Variants in NBEAL1 observed in about 807,000 individuals in gnomAD.
NBEAL1 encodes neurobeachin-like protein 1.
Under a neutral mutation model 351.3 loss-of-function variants are expected in NBEAL1, and 273 were observed. That is an observed-to-expected ratio of 0.78 (90% CI 0.70 to 0.86). The LOEUF (loss-of-function observed/expected upper bound fraction) is 0.86. Ranked by LOEUF, NBEAL1 falls within the 40% of genes least tolerant of loss-of-function variation. The pLI is 0.00. For synonymous variants in NBEAL1, 1,050 were observed against 1,086.4 expected (o/e 0.97, Z 0.66); for missense variants, 2,961 against 3,201.3 (o/e 0.92, Z 1.81).
intron 18 of NBEAL1, among the ~76,000 whole-genome samples, chr2:203,119,444 T>TTTTTTTA (rs2062779286): frequency 7.0e-6 from 1 of 142,814 alleles, no homozygotes; most frequent in Non-Finnish European, 1.5e-5. Flanking sequence ...TTTTTTTTTT[T>TTTTTTTA]GAGACGGAGT....
chr2:203,016,409 G>GA lies in NBEAL1; in HGVS notation c.27dup (p.Leu10ThrfsTer24). 6.7e-7 allele frequency: 1 copy of GA among 1,496,532 alleles called. No individual in the cohort carries two copies. The highest frequency in any genetic ancestry group is 9.0e-7 in the Non-Finnish European group (1 of 1,108,704). The allele number at this position is 1,496,532 out of a possible 1,614,324, so 92.7% of individuals were successfully genotyped here. On this transcript the variant is annotated frameshift_variant, in exon 2 of 56. Transcript: ENST00000683969. LOFTEE classifies it high-confidence loss of function. ...AATGGCATCCAGAGAGAGGCTCTTT[G>GA]AACTTTGGATGCTTTATTGTACAAA... is the stretch of plus-strand genomic sequence containing the variant.
intron 35 of NBEAL1, among the ~76,000 whole-genome samples, chr2:203,156,518 T>A (rs1052414584): frequency 2.6e-5 from 4 of 152,266 alleles, no homozygotes; most frequent in African/African-American, 9.6e-5. Context: ...CATTGTCATG[T>A]ACTTCGTTAA....
chr2:203,025,435 A>G (rs2060841720), intron 2 of NBEAL1, among the ~76,000 whole-genome samples: 1 of 152,206 alleles, frequency 6.6e-6, no homozygotes, highest in South Asian at 2.1e-4. Flanking sequence ...AACAATTATT[A>G]TATCTGAAAT....
intron 41 of NBEAL1, among the ~76,000 whole-genome samples, chr2:203,174,858 CAAAT>C (rs34190645): frequency 0.48 from 68,630 of 143,064 alleles, 17,273 homozygotes; most frequent in Middle Eastern, 0.62. Context: ...GACTCTGTCT[CAAAT>C]AAATAAATAA....
chr2:203,175,084 A>T, intron 41 of NBEAL1, 63 bp from the exon 42 acceptor site: 1 of 1,348,800 alleles, frequency 7.4e-7, no homozygotes, highest in South Asian at 1.3e-5. Flanking sequence ...TAAAATACAA[A>T]CTTATGCCCC....
chr2:203,122,188 C>T (rs2106273247), intron 18 of NBEAL1, 66 bp from the exon 19 acceptor site: 2 of 864,564 alleles, frequency 2.3e-6, no homozygotes, highest in Non-Finnish European at 3.6e-6. Context: ...GTGAAATGTT[C>T]TATATGTGGT....
intron 37 of NBEAL1, among the ~76,000 whole-genome samples, chr2:203,166,568 T>C (rs1310294377): frequency 1.3e-5 from 2 of 152,122 alleles, no homozygotes; most frequent in Admixed American, 1.3e-4. Flanking sequence ...TTTTTTGAGA[T>C]GGAGTTCCAC....
intron 31 of NBEAL1, among the ~76,000 whole-genome samples, chr2:203,139,404 C>T (rs1307468579): frequency 6.6e-6 from 1 of 151,694 alleles, no homozygotes. Flanking sequence ...CAGCTATTTA[C>T]CTGGCCCTTT....
At chr2:203,021,245 G>A (rs577499316) in intron 2 of NBEAL1, among the ~76,000 whole-genome samples, 1 of 151,386 alleles carries the variant, frequency 6.6e-6, no homozygotes. Flanking sequence ...GCCTCCCAAA[G>A]TGCTGGGATT....
At chr2:203,211,155 T>C in intron 54 of NBEAL1, 49 bp downstream of exon 54, 2 of 1,291,212 alleles carry the variant, frequency 1.5e-6, no homozygotes, top group African/African-American at 1.5e-5. Context: ...GGGGCAGTAC[T>C]TCTAGTCTAG....
intron 2 of NBEAL1, among the ~76,000 whole-genome samples, chr2:203,032,136 C>A (rs1416417748): frequency 1.3e-5 from 2 of 152,104 alleles, no homozygotes; most frequent in Non-Finnish European, 2.9e-5. Context: ...TATGAGTGAG[C>A]TTTTAAGTGG....
intron 38 of NBEAL1, among the ~76,000 whole-genome samples, chr2:203,168,279 C>A (rs2064200378): frequency 6.6e-6 from 1 of 152,204 alleles, no homozygotes; most frequent in African/African-American, 2.4e-5. Flanking sequence ...TTTATAACAA[C>A]CATGAGATTA....
At chr2:203,208,896 T>A in intron 52 of NBEAL1, 143 bp downstream of exon 52, 1 of 654,088 alleles carries the variant, frequency 1.5e-6, no homozygotes, top group Non-Finnish European at 2.5e-6. Context: ...AAAAGTAGAA[T>A]AGACTTTGCA....
chr2:203,116,755 G>A (rs566177630), intron 18 of NBEAL1, among the ~76,000 whole-genome samples: 8 of 141,626 alleles, frequency 5.6e-5, no homozygotes, highest in East Asian at 2.2e-4. Flanking sequence ...GCACCATTAC[G>A]CTCCAGCCTA....
chr2:203,082,564 A>G (rs1349940880), intron 8 of NBEAL1, among the ~76,000 whole-genome samples: 1 of 152,208 alleles, frequency 6.6e-6, no homozygotes, highest in East Asian at 1.9e-4. Context: ...CCAATTACTT[A>G]GTATATGGAA....
intron 10 of NBEAL1, among the ~76,000 whole-genome samples, chr2:203,088,774 A>G (rs998284491): frequency 2.0e-5 from 3 of 152,238 alleles, no homozygotes; most frequent in Admixed American, 2.0e-4. Flanking sequence ...TCCATCCAAA[A>G]TACAGCAGTG....
chr2:203,176,621 A>G (rs1404185380), intron 42 of NBEAL1, among the ~76,000 whole-genome samples: 1 of 151,710 alleles, frequency 6.6e-6, no homozygotes, highest in African/African-American at 2.4e-5. Context: ...AGTCCTAGCT[A>G]CTCAGGAGAC....
chr2:203,021,010 C>A (rs1199007352), intron 2 of NBEAL1, among the ~76,000 whole-genome samples: 1 of 152,172 alleles, frequency 6.6e-6, no homozygotes, highest in Admixed American at 6.5e-5. Flanking sequence ...AACCTCCAAC[C>A]TTCTGGGTGC....
At chr2:203,155,062 T>A (rs2063762191) in intron 35 of NBEAL1, among the ~76,000 whole-genome samples, 1 of 148,960 alleles carries the variant, frequency 6.7e-6, no homozygotes, top group Non-Finnish European at 1.5e-5. Flanking sequence ...CTGGACAACA[T>A]AATGAGACCT....
Sources: allele counts gnomAD v4.1 joint callset (sites outside exome capture counted in the v4.1 genomes callset), GRCh38; gene constraint gnomAD v4.1.1; transcripts MANE v1.5; gene names NCBI Gene and HGNC (gene_info 2026-07-23, HGNC 2026-07-21).